Variants in SCFD2 observed in about 807,000 individuals in gnomAD.
SCFD2 encodes the protein sec1 family domain containing 2, also known as sec1 family domain-containing protein 2.
Under a neutral mutation model 58.9 loss-of-function variants are expected in SCFD2, and 54 were observed. That is an observed-to-expected ratio of 0.92 (90% confidence interval 0.74 to 1.15). The LOEUF (loss-of-function observed/expected upper bound fraction) is 1.15, where lower values mean the gene tolerates loss of function less well. Among genes scored for constraint, SCFD2 ranks in the 50% most tolerant of loss-of-function variants. The pLI is 0.00. For synonymous variants in SCFD2, 321 were observed against 335.9 expected (o/e 0.96, Z 0.49); for missense variants, 805 against 836.6 (o/e 0.96, Z 0.47).
At chr4:52,948,089 GT>G (rs1327360590) in intron 5 of SCFD2, among the ~76,000 whole-genome samples, 1 of 151,988 alleles carries the variant, frequency 6.6e-6, no homozygotes, top group East Asian at 1.9e-4. Context: ...AAATTTAAAG[GT>G]GTGATACTAC....
chr4:52,893,057 T>A (rs1718915244), intron 7 of SCFD2, among the ~76,000 whole-genome samples: 1 of 152,230 alleles, frequency 6.6e-6, no homozygotes, highest in East Asian at 1.9e-4. Flanking sequence ...CAAATAGTGT[T>A]GCAAAGAGGA....
intron 5 of SCFD2, among the ~76,000 whole-genome samples, chr4:53,058,461 T>C (rs556837839): frequency 1.3e-5 from 2 of 152,252 alleles, no homozygotes; most frequent in Admixed American, 1.3e-4. Context: ...ATATGCAGAA[T>C]TTTAGGACCA....
At chr4:53,302,172 G>T (rs1430397927) in intron 3 of SCFD2, among the ~76,000 whole-genome samples, 1 of 152,174 alleles carries the variant, frequency 6.6e-6, no homozygotes, top group Admixed American at 6.5e-5. Context: ...GTCCCTGTTT[G>T]CAGATGACAT....
At chr4:53,135,502 G>C (rs759525686) in intron 5 of SCFD2, among the ~76,000 whole-genome samples, 1 of 152,162 alleles carries the variant, frequency 6.6e-6, no homozygotes, top group Admixed American at 6.5e-5. Flanking sequence ...TTGGGAGGCC[G>C]AGGTGGGCGG....
chr4:52,901,220 A>G (rs1279857743), intron 7 of SCFD2, among the ~76,000 whole-genome samples: 1 of 152,066 alleles, frequency 6.6e-6, no homozygotes, highest in African/African-American at 2.4e-5. Flanking sequence ...GAAACCACCC[A>G]TCTTCTGCAT....
intron 5 of SCFD2, among the ~76,000 whole-genome samples, chr4:53,121,199 T>C (rs190126866): frequency 6.6e-6 from 1 of 152,236 alleles, no homozygotes; most frequent in East Asian, 1.9e-4. Flanking sequence ...AGGGAAAACA[T>C]GACAGTGAAG....
At chr4:53,297,982 A>C (rs1375916591) in intron 3 of SCFD2, among the ~76,000 whole-genome samples, 2 of 152,144 alleles carry the variant, frequency 1.3e-5, no homozygotes, top group Non-Finnish European at 2.9e-5. Flanking sequence ...AAGATGGCCG[A>C]ATAGGAACAG....
chr4:53,046,224 AT>A, intron 5 of SCFD2, among the ~76,000 whole-genome samples: 1 of 152,268 alleles, frequency 6.6e-6, no homozygotes, highest in East Asian at 1.9e-4. Context: ...TTTAAATTTT[AT>A]TTTTATTTTT....
chr4:53,317,120 A>C (rs1372081036), intron 2 of SCFD2, among the ~76,000 whole-genome samples: 1 of 152,068 alleles, frequency 6.6e-6, no homozygotes, highest in African/African-American at 2.4e-5. Context: ...AAAAAAAAAA[A>C]AAATTCTGAA....
intron 4 of SCFD2, among the ~76,000 whole-genome samples, chr4:53,186,884 G>A (rs185647418): frequency 7.9e-5 from 12 of 152,118 alleles, no homozygotes; most frequent in Admixed American, 5.2e-4. Context: ...TGACTTACAC[G>A]GTTGCACAGT....
chr4:52,900,792 G>A (rs1719173821), intron 7 of SCFD2, among the ~76,000 whole-genome samples: 1 of 152,248 alleles, frequency 6.6e-6, no homozygotes, highest in South Asian at 2.1e-4. Flanking sequence ...GCTCCTCCCA[G>A]TTCGAGCTTC....
chr4:53,213,380 G>C (rs6554072), intron 4 of SCFD2, among the ~76,000 whole-genome samples: 106,623 of 151,940 alleles, frequency 0.7, 37,807 homozygotes, highest in Middle Eastern at 0.78. Flanking sequence ...AAAAAAATGC[G>C]TCTGACTTGA....
chr4:53,235,659 A>G (rs1314052192), intron 4 of SCFD2, among the ~76,000 whole-genome samples: 1 of 152,216 alleles, frequency 6.6e-6, no homozygotes, highest in Non-Finnish European at 1.5e-5. Context: ...AGCTATGTGA[A>G]GAGAAAGTAG....
At chr4:53,115,031 G>T (rs940943784) in intron 5 of SCFD2, among the ~76,000 whole-genome samples, 2 of 151,948 alleles carry the variant, frequency 1.3e-5, no homozygotes, top group Non-Finnish European at 2.9e-5. Context: ...TTAAAAAAAT[G>T]TTTAAATAAC....
At chr4:53,282,779 GT>G (rs1204565001) in intron 3 of SCFD2, among the ~76,000 whole-genome samples, 1 of 152,010 alleles carries the variant, frequency 6.6e-6, no homozygotes, top group African/African-American at 2.4e-5. Flanking sequence ...ATTGAACTCT[GT>G]TTTTTTAATA....
chr4:53,050,286 A>G (rs1225625539), intron 5 of SCFD2, among the ~76,000 whole-genome samples: 3 of 152,200 alleles, frequency 2.0e-5, no homozygotes, highest in African/African-American at 4.8e-5. Context: ...CATTTTCAAA[A>G]TGGCACAAAA....
chr4:53,207,932 G>A (rs1360943371), intron 4 of SCFD2, among the ~76,000 whole-genome samples: 4 of 149,888 alleles, frequency 2.7e-5, no homozygotes, highest in African/African-American at 9.8e-5. Flanking sequence ...TCAGTCTCAG[G>A]TATTTCTTTT....
At chr4:52,901,756 C>T (rs527336315) in intron 7 of SCFD2, among the ~76,000 whole-genome samples, 1 of 152,306 alleles carries the variant, frequency 6.6e-6, no homozygotes, top group African/African-American at 2.4e-5. Context: ...TCTGGACAAT[C>T]TGATTTCAAC....
chr4:53,363,620 G>A (rs73154945), intron 1 of SCFD2, among the ~76,000 whole-genome samples: 14,173 of 151,976 alleles, frequency 0.093, 1,132 homozygotes, highest in South Asian at 0.28. Context: ...GATCACGCGA[G>A]GTCAGGAGAT....
Sources: allele counts gnomAD v4.1 joint callset (sites outside exome capture counted in the v4.1 genomes callset), GRCh38; gene constraint gnomAD v4.1.1; transcripts MANE v1.5; gene names NCBI Gene and HGNC (gene_info 2026-07-23, HGNC 2026-07-21).